LOC128092252: variants seen among roughly 807,000 people sequenced by gnomAD.
chr15:50,679,680 C>T, the LOC128092252 span, among the ~76,000 whole-genome samples: 2 of 150,452 alleles, frequency 1.3e-5, no homozygotes, highest in African/African-American at 2.5e-5. Context: ...GGATTACAGG[C>T]GCACACCATC....
the LOC128092252 span, among the ~76,000 whole-genome samples, chr15:50,671,650 G>GT: frequency 5.0e-5 from 7 of 138,720 alleles, no homozygotes; most frequent in Non-Finnish European, 1.1e-4. Flanking sequence ...CGCTACAAAA[G>GT]TTTTTTTTAA....
chr15:50,659,935 G>C, the LOC128092252 span, among the ~76,000 whole-genome samples: 2 of 152,076 alleles, frequency 1.3e-5, no homozygotes, highest in African/African-American at 4.8e-5. Flanking sequence ...AAAGTGCTGG[G>C]ATTACAGGCG....
chr15:50,661,861 T>C, the LOC128092252 span, among the ~76,000 whole-genome samples: 1 of 152,176 alleles, frequency 6.6e-6, no homozygotes, highest in Non-Finnish European at 1.5e-5. Context: ...AAGTGCTCTA[T>C]AGGTTAGGAA....
At chr15:50,679,529 T>C in the LOC128092252 span, among the ~76,000 whole-genome samples, 6 of 51,756 alleles carry the variant, frequency 1.2e-4, no homozygotes, top group Non-Finnish European at 1.9e-4. Context: ...TATATATATA[T>C]ATATATATAT....
At chr15:50,684,282 A>G in the LOC128092252 span, among the ~76,000 whole-genome samples, 1 of 151,880 alleles carries the variant, frequency 6.6e-6, no homozygotes, top group African/African-American at 2.4e-5. Context: ...CCTCCTGAGT[A>G]GCTAGGATTA....
At chr15:50,652,214 T>C in the LOC128092252 span, among the ~76,000 whole-genome samples, 1 of 150,598 alleles carries the variant, frequency 6.6e-6, no homozygotes, top group African/African-American at 2.4e-5. Flanking sequence ...GCGCCTGTAA[T>C]GCCAGCTTCT....
chr15:50,664,272 T>C, the LOC128092252 span, among the ~76,000 whole-genome samples: 1 of 137,106 alleles, frequency 7.3e-6, no homozygotes, highest in Non-Finnish European at 1.5e-5. Flanking sequence ...ATCGCGCCAC[T>C]GCACTCCAGC....
chr15:50,662,956 G>C, the LOC128092252 span: 2 of 1,600,078 alleles, frequency 1.2e-6, no homozygotes, highest in Non-Finnish European at 1.7e-6. Context: ...AAGTAACAAA[G>C]GTGTGCTTAC....
At chr15:50,658,655 C>T in the LOC128092252 span, among the ~76,000 whole-genome samples, 6 of 151,800 alleles carry the variant, frequency 4.0e-5, no homozygotes, top group Admixed American at 2.6e-4. Flanking sequence ...TTATATAATC[C>T]CTATGGAAGG....
At chr15:50,653,856 G>A in the LOC128092252 span, among the ~76,000 whole-genome samples, 1 of 152,174 alleles carries the variant, frequency 6.6e-6, no homozygotes, top group African/African-American at 2.4e-5. Context: ...ATCACTTGCT[G>A]TGTGTGGGTC....
the LOC128092252 span, among the ~76,000 whole-genome samples, chr15:50,675,253 G>C: frequency 4.6e-5 from 7 of 151,690 alleles, no homozygotes; most frequent in Non-Finnish European, 8.8e-5. Flanking sequence ...TGAGGCAGGA[G>C]AATCGACTGA....
the LOC128092252 span, chr15:50,662,881 G>T: frequency 1.1e-6 from 1 of 917,292 alleles, no homozygotes; most frequent in Non-Finnish European, 1.7e-6. Flanking sequence ...AATTTATTTA[G>T]TGGTTTTTGT....
the LOC128092252 span, among the ~76,000 whole-genome samples, chr15:50,683,650 T>C: frequency 6.6e-6 from 1 of 152,020 alleles, no homozygotes; most frequent in Non-Finnish European, 1.5e-5. Context: ...CAGAATCGCT[T>C]GAACCAGGAG....
the LOC128092252 span, among the ~76,000 whole-genome samples, chr15:50,674,499 A>C: frequency 2.0e-5 from 3 of 152,018 alleles, no homozygotes; most frequent in Non-Finnish European, 2.9e-5. Context: ...ATCCCTTAAC[A>C]AATTATTGTT....
chr15:50,681,602 C>T, the LOC128092252 span, among the ~76,000 whole-genome samples: 1 of 152,176 alleles, frequency 6.6e-6, no homozygotes, highest in Non-Finnish European at 1.5e-5. Context: ...TGTTAAATTT[C>T]ACTTTGCACA....
At chr15:50,686,693 T>C in the LOC128092252 span, 4 of 914,906 alleles carry the variant, frequency 4.4e-6, no homozygotes, top group Non-Finnish European at 4.8e-6. Context: ...GCTCCGGCGC[T>C]AGCAGCAGAA....
the LOC128092252 span, chr15:50,648,933 A>G: frequency 1.4e-6 from 2 of 1,464,194 alleles, no homozygotes; most frequent in Non-Finnish European, 1.8e-6. Flanking sequence ...AATTAGAGTT[A>G]ATGAAAAAAT....
the LOC128092252 span, among the ~76,000 whole-genome samples, chr15:50,673,033 G>A: frequency 6.6e-6 from 1 of 150,802 alleles, no homozygotes; most frequent in South Asian, 2.1e-4. Context: ...TTACAAATCT[G>A]TTAAATTAAA....
the LOC128092252 span, among the ~76,000 whole-genome samples, chr15:50,682,173 C>CAAAAAAA: frequency 0.037 from 2,358 of 63,358 alleles, 224 homozygotes; most frequent in African/African-American, 0.15. Flanking sequence ...AACTCAGTCT[C>CAAAAAAA]AAAAAAAAAA....
Sources: allele counts gnomAD v4.1 joint callset (sites outside exome capture counted in the v4.1 genomes callset), GRCh38; gene constraint gnomAD v4.1.1; transcripts MANE v1.5.